ELMOD1: variants seen among roughly 807,000 people sequenced by gnomAD.
ELMOD1 encodes ELMO domain containing 1.
In ELMOD1, 21 loss-of-function variants were observed where a neutral mutation model predicts 46.7. The observed-to-expected ratio is 0.45, with a 90% confidence interval of 0.32 to 0.65. The LOEUF is 0.65. Among genes scored for constraint, ELMOD1 ranks in the 30% least tolerant of loss-of-function variants. The pLI, the probability that ELMOD1 is intolerant of heterozygous loss-of-function variation, is 0.04. For synonymous variants in ELMOD1, 122 were observed against 138.2 expected (o/e 0.88, Z 0.82); for missense variants, 348 against 407.8 (o/e 0.85, Z 1.26).
chr11:107,632,231 G>A lies in ELMOD1; in HGVS notation c.290+554G>A, dbSNP rs111675945. Among the ~76,000 whole-genome samples the A allele has an allele frequency of 7.3e-3, 1,110 of 152,270 alleles. 12 individuals are homozygous for A. Among genetic ancestry groups the A allele is most frequent in the African/African-American group, 0.025 (1,051 of 41,544 alleles). On this transcript the variant is annotated intron_variant, in intron 5 of 11. Transcript: ENST00000265840. ...TATTAAAATGCATTTGGCAATGTTC[G>A]TGACATTTAAAATTAGCTTTATATT...
Position 107,665,225 on chromosome 11 carries a change from C to T in ELMOD1, c.*28C>T. On this transcript the variant is annotated 3_prime_UTR_variant, in exon 12 of 12. Transcript: ENST00000265840. ...GCCCACGCCGGTTTTAATGGATACC[C>T]TGGAACACTGCCTCATTGTCTTGTT... is the stretch of plus-strand genomic sequence containing the variant. The T allele has an allele frequency of 6.2e-7, 1 of 1,606,170 alleles. No individual in the cohort carries two copies. Among genetic ancestry groups the T allele is most frequent in the Non-Finnish European group, 8.5e-7 (1 of 1,174,958 alleles).
intron 1 of ELMOD1, among the ~76,000 whole-genome samples, chr11:107,613,735 C>G (rs938535424): frequency 6.6e-6 from 1 of 152,176 alleles, no homozygotes; most frequent in African/African-American, 2.4e-5. Context: ...TAAACTATTT[C>G]TAAAATGCAA....
chr11:107,592,746 G>A (rs1221399734), intron 1 of ELMOD1: 1 of 179,336 alleles, frequency 5.6e-6, no homozygotes, highest in Non-Finnish European at 1.2e-5. Flanking sequence ...ACTGAAAGAA[G>A]AACCCATTAA....
chr11:107,603,396 G>A (rs1170613255), intron 1 of ELMOD1, among the ~76,000 whole-genome samples: 1 of 152,092 alleles, frequency 6.6e-6, no homozygotes, highest in Non-Finnish European at 1.5e-5. Flanking sequence ...AAAAATAGCT[G>A]TGCGTGGTGG....
At chr11:107,621,261 A>G (rs1471145657) in intron 2 of ELMOD1, among the ~76,000 whole-genome samples, 1 of 152,222 alleles carries the variant, frequency 6.6e-6, no homozygotes, top group Non-Finnish European at 1.5e-5. Flanking sequence ...CTCCAGCAGA[A>G]AAGAGGAAAG....
chr11:107,630,346 T>G (rs560838397), intron 2 of ELMOD1, 71 bp from the exon 3 acceptor site: 1 of 1,407,906 alleles, frequency 7.1e-7, no homozygotes, highest in East Asian at 2.4e-5. Flanking sequence ...CTTCTTTTCT[T>G]GCTGGTGGTG....
At chr11:107,613,571 A>T (rs1325815060) in intron 1 of ELMOD1, among the ~76,000 whole-genome samples, 1 of 152,228 alleles carries the variant, frequency 6.6e-6, no homozygotes, top group African/African-American at 2.4e-5. Context: ...TTTACAAGGG[A>T]TAAATTCAAG....
intron 6 of ELMOD1, among the ~76,000 whole-genome samples, chr11:107,637,778 A>G (rs546417112): frequency 3.7e-4 from 56 of 152,114 alleles, no homozygotes; most frequent in Non-Finnish European, 7.5e-4. Flanking sequence ...TCCATGCCCA[A>G]TGCCTTATTC....
intron 1 of ELMOD1, among the ~76,000 whole-genome samples, chr11:107,605,194 T>G: frequency 6.7e-6 from 1 of 149,548 alleles, no homozygotes; most frequent in East Asian, 1.9e-4. Context: ...TTTCTTTCTT[T>G]TTTTTTTTTT....
At chr11:107,617,588 C>T (rs1431594193) in intron 1 of ELMOD1, among the ~76,000 whole-genome samples, 4 of 152,194 alleles carry the variant, frequency 2.6e-5, no homozygotes, top group African/African-American at 7.2e-5. Context: ...GACAATGGGG[C>T]CTGGGGCATC....
At chr11:107,625,488 G>A (rs777495396) in intron 2 of ELMOD1, 42 of 985,238 alleles carry the variant, frequency 4.3e-5, no homozygotes, top group Admixed American at 6.2e-5. Flanking sequence ...AAAAGAAGAC[G>A]TCAGAGTCAC....
rs755112050 is a variant in ELMOD1, at chr11:107,650,601, C to T, written c.623+198C>T. On this transcript the variant is annotated intron_variant, in intron 8 of 11. Transcript: ENST00000265840. ...CAAGATTTAGGATGTAAAGTGGCAC[C>T]GTTCAGGTGAGATATGTATTTAAAG... Among the ~76,000 whole-genome samples the T allele has an allele frequency of 3.3e-5, 5 of 152,172 alleles. No homozygotes were observed. In the East Asian group the frequency reaches 7.7e-4, roughly 24 times the overall value.
intron 2 of ELMOD1, chr11:107,623,332 G>A (rs1329363919): frequency 6.6e-6 from 1 of 152,166 alleles, no homozygotes; most frequent in Non-Finnish European, 1.5e-5. Context: ...TCAAGCTGTT[G>A]TCCGAGATCC....
chr11:107,606,778 C>T (rs948312467), intron 1 of ELMOD1, among the ~76,000 whole-genome samples: 1 of 151,892 alleles, frequency 6.6e-6, no homozygotes, highest in Non-Finnish European at 1.5e-5. Context: ...GAGATTGCAC[C>T]GCTGCACTCC....
At chr11:107,619,221 G>C (rs1339130234) in intron 2 of ELMOD1, among the ~76,000 whole-genome samples, 2 of 152,120 alleles carry the variant, frequency 1.3e-5, no homozygotes, top group East Asian at 3.9e-4. Context: ...CTGGATCTTC[G>C]AATTGTGAAA....
intron 4 of ELMOD1, among the ~76,000 whole-genome samples, chr11:107,631,015 A>G (rs1866126351): frequency 6.6e-6 from 1 of 152,182 alleles, no homozygotes; most frequent in South Asian, 2.1e-4. Context: ...TGAACATAGT[A>G]ACAGTATTAA....
At position 107,647,544 on chromosome 11, in the gene ELMOD1, GTGA is replaced by G. The variant is rs763734395; in HGVS notation, c.502_504del (p.Asp168del). On this transcript the variant is annotated inframe_deletion, in exon 7 of 12. Transcript: ENST00000265840. ...CAGTGGTGTGAAATTGGTTTCCAAG[GTGA>G]TGATCCTAAAACAGACTTTCGAGGA... The G allele has an allele frequency of 6.2e-7, 1 of 1,613,704 alleles. No individual in the cohort carries two copies.
At chr11:107,606,736 G>A (rs1331383502) in intron 1 of ELMOD1, among the ~76,000 whole-genome samples, 1 of 152,046 alleles carries the variant, frequency 6.6e-6, no homozygotes, top group Non-Finnish European at 1.5e-5. Context: ...TCGGGAGGCT[G>A]AGGCAGGAAA....
At chr11:107,638,391 G>A (rs1052316850) in intron 6 of ELMOD1, among the ~76,000 whole-genome samples, 1 of 152,172 alleles carries the variant, frequency 6.6e-6, no homozygotes, top group Non-Finnish European at 1.5e-5. Context: ...GCCTTGTGGT[G>A]ATACACTGCT....
Sources: gnomAD v4.1 joint callset for allele counts (sites outside exome capture counted in the v4.1 genomes callset) on GRCh38, gnomAD v4.1.1 for gene constraint, MANE v1.5 for transcripts, NCBI Gene and HGNC (gene_info 2026-07-23, HGNC 2026-07-21) for gene names.